Variants in GALNT13 observed in about 807,000 individuals in gnomAD.
GALNT13 encodes polypeptide N-acetylgalactosaminyltransferase 13, also known as UDP-GalNAc:polypeptide N-acetylgalactosaminyltransferase 13.
Under a neutral mutation model 64.2 loss-of-function variants are expected in GALNT13, and 28 were observed. The ratio of observed to expected loss-of-function variants is 0.44; its 90% CI spans 0.32 to 0.60. GALNT13 has a LOEUF of 0.60. Among genes scored for constraint, GALNT13 ranks in the 20% least tolerant of loss-of-function variants. GALNT13 has a pLI of 0.05. For synonymous variants in GALNT13, 214 were observed against 224.6 expected (o/e 0.95, Z 0.42); for missense variants, 577 against 669.8 (o/e 0.86, Z 1.53).
the GALNT13 span, among the ~76,000 whole-genome samples, chr2:153,678,803 A>G: frequency 6.6e-6 from 1 of 152,036 alleles, no homozygotes; most frequent in South Asian, 2.1e-4. Flanking sequence ...ATATGATTCA[A>G]GTAAGTTGTC....
intron 8 of GALNT13, among the ~76,000 whole-genome samples, chr2:154,285,161 GT>G (rs1388225609): frequency 1.3e-5 from 2 of 152,066 alleles, no homozygotes; most frequent in Non-Finnish European, 2.9e-5. Context: ...TTTTCTCCCA[GT>G]CCATGAGTTG....
At chr2:153,736,725 G>T in the GALNT13 span, among the ~76,000 whole-genome samples, 1 of 152,010 alleles carries the variant, frequency 6.6e-6, no homozygotes, top group East Asian at 1.9e-4. Context: ...ACACTAGAGG[G>T]TTCATTTTAC....
chr2:153,417,476 A>G, the GALNT13 span, among the ~76,000 whole-genome samples: 3 of 152,210 alleles, frequency 2.0e-5, no homozygotes, highest in Non-Finnish European at 4.4e-5. Context: ...GGATATTGCC[A>G]TAATCCAGGC....
chr2:153,109,002 A>C, the GALNT13 span, among the ~76,000 whole-genome samples: 3 of 152,176 alleles, frequency 2.0e-5, no homozygotes, highest in African/African-American at 7.2e-5. Context: ...ATTGTTTTGA[A>C]GATTCTGATA....
chr2:153,866,720 A>T, the GALNT13 span, among the ~76,000 whole-genome samples: 1 of 152,202 alleles, frequency 6.6e-6, no homozygotes, highest in African/African-American at 2.4e-5. Context: ...ACTTTTAATG[A>T]GATATTGCTT....
chr2:153,442,856 A>T, the GALNT13 span, among the ~76,000 whole-genome samples: 1 of 152,018 alleles, frequency 6.6e-6, no homozygotes, highest in Non-Finnish European at 1.5e-5. Flanking sequence ...TGAGGGGAAA[A>T]CCGCCTACTC....
At chr2:154,351,317 C>CAT (rs1696383767) in intron 9 of GALNT13, among the ~76,000 whole-genome samples, 1 of 152,028 alleles carries the variant, frequency 6.6e-6, no homozygotes, top group Non-Finnish European at 1.5e-5. Context: ...TTAACTTTAT[C>CAT]ATATTCTTCT....
the GALNT13 span, among the ~76,000 whole-genome samples, chr2:153,637,693 G>A: frequency 6.6e-6 from 1 of 152,124 alleles, no homozygotes; most frequent in East Asian, 1.9e-4. Context: ...TGCTATTAAA[G>A]TGCTGTGTGG....
chr2:153,906,327 G>T (rs1388226241), intron 2 of GALNT13, among the ~76,000 whole-genome samples: 1 of 150,872 alleles, frequency 6.6e-6, no homozygotes, highest in Non-Finnish European at 1.5e-5. Flanking sequence ...CATGTGCCAT[G>T]TTGGTGTGCT....
the GALNT13 span, among the ~76,000 whole-genome samples, chr2:153,119,662 A>T: frequency 6.6e-6 from 1 of 152,310 alleles, no homozygotes; most frequent in Non-Finnish European, 1.5e-5. Flanking sequence ...AACTGTGACA[A>T]GCCATGTTGC....
rs1341373277 is a variant in GALNT13 at position 154,043,455 on chromosome 2, T to TATATATACACAC, written c.143-96881_143-96880insTATATACACACA. 6.1e-3 allele frequency among the ~76,000 whole-genome samples: 639 copies of TATATATACACAC among 104,464 alleles called. 9 individuals are homozygous for TATATATACACAC. Among genetic ancestry groups the TATATATACACAC allele is most frequent in the African/African-American group, 0.012 (307 of 24,594 alleles). The allele number at this position is 104,464 out of a possible 152,430, so 68.5% of individuals were successfully genotyped here. Reference sequence around the variant, plus strand: ...ATATATATATATATATATATATATATACACACATGTATACATAAAAACATG... The same window carrying TATATATACACAC: ...ATATATATATATATATATATATATATATATATACACACACACACATGTATACATAAAAACATG... On this transcript the variant is annotated intron_variant, in intron 3 of 12. Transcript: ENST00000392825.
At chr2:153,873,303 C>A (rs1185120846) in intron 1 of GALNT13, among the ~76,000 whole-genome samples, 1 of 152,216 alleles carries the variant, frequency 6.6e-6, no homozygotes, top group African/African-American at 2.4e-5. Context: ...CCGCAGCAGG[C>A]TCCCCTTGCC....
At chr2:154,199,678 AC>A (rs1397003729) in intron 4 of GALNT13, among the ~76,000 whole-genome samples, 1 of 152,060 alleles carries the variant, frequency 6.6e-6, no homozygotes, top group African/African-American at 2.4e-5. Context: ...TAGTAAAAAA[AC>A]AGTCTTATAA....
the GALNT13 span, among the ~76,000 whole-genome samples, chr2:153,273,120 G>C: frequency 6.6e-6 from 1 of 152,048 alleles, no homozygotes; most frequent in Non-Finnish European, 1.5e-5. Flanking sequence ...TACACACCGG[G>C]GCCTGTCAGG....
chr2:153,745,423 TA>T, the GALNT13 span, among the ~76,000 whole-genome samples: 3 of 152,178 alleles, frequency 2.0e-5, no homozygotes, highest in African/African-American at 7.2e-5. Flanking sequence ...GCATGTACAT[TA>T]AGCTTAGTTA....
Position 154,059,088 on chromosome 2 carries a change from CA to C in GALNT13, c.143-81246del, listed in dbSNP as rs577957816. ...GATGGTTAAGATTTGAGGTATGAGA[CA>C]AATATAGGAATCAAGGATGACTCCA... On this transcript the variant is annotated intron_variant, in intron 3 of 12. Coordinates refer to ENST00000392825, the MANE Select transcript of GALNT13 (RefSeq NM_052917.4). 1.3e-3 allele frequency among the ~76,000 whole-genome samples: 200 copies of C among 152,228 alleles called. No homozygotes were observed. In the Middle Eastern group the frequency reaches 0.017, roughly 13 times the overall value.
At chr2:153,725,557 A>T in the GALNT13 span, among the ~76,000 whole-genome samples, 1 of 151,960 alleles carries the variant, frequency 6.6e-6, no homozygotes, top group Non-Finnish European at 1.5e-5. Context: ...ATATAAAATA[A>T]TGGGAAGCTT....
chr2:153,881,075 G>T (rs867314425), intron 1 of GALNT13, among the ~76,000 whole-genome samples: 12 of 152,138 alleles, frequency 7.9e-5, no homozygotes, highest in Admixed American at 3.9e-4. Context: ...CATTTAACAG[G>T]TGGAAGGGGA....
At chr2:154,328,019 G>A (rs775781290) in intron 9 of GALNT13, among the ~76,000 whole-genome samples, 8 of 151,966 alleles carry the variant, frequency 5.3e-5, no homozygotes, top group Non-Finnish European at 1.2e-4. Flanking sequence ...AAGGAGCATA[G>A]TATATAGCAC....
Sources: gnomAD v4.1 joint callset for allele counts (sites outside exome capture counted in the v4.1 genomes callset) on GRCh38, gnomAD v4.1.1 for gene constraint, MANE v1.5 for transcripts, NCBI Gene and HGNC (gene_info 2026-07-23, HGNC 2026-07-21) for gene names.